Variants in RABGAP1L observed in about 807,000 individuals in gnomAD.
RABGAP1L encodes RAB GTPase activating protein 1 like, also known as rab GTPase-activating protein 1-like.
A neutral mutation model predicts 137.7 loss-of-function variants in RABGAP1L; 63 were observed. The ratio of observed to expected loss-of-function variants is 0.46; its 90% CI spans 0.37 to 0.56. The LOEUF is 0.56. Ranked by LOEUF, RABGAP1L falls within the 20% of genes least tolerant of loss-of-function variation. The pLI, the probability that RABGAP1L is intolerant of heterozygous loss-of-function variation, is 0.00. For missense variants in RABGAP1L, 1,095 were observed against 1,244.0 expected (o/e 0.88, Z 1.80); for synonymous variants, 431 against 433.7 (o/e 0.99, Z 0.08).
At chr1:174,850,076 G>C in intron 19 of RABGAP1L, 1 of 527,332 alleles carries the variant, frequency 1.9e-6, no homozygotes, top group Non-Finnish European at 3.8e-6. Flanking sequence ...AGGGGTGTCT[G>C]GGATTGGGAG....
intron 5 of RABGAP1L, chr1:174,245,592 A>G (rs1190591741): frequency 1.3e-5 from 2 of 151,920 alleles, no homozygotes; most frequent in Admixed American, 1.3e-4. Context: ...ATACCTTTCA[A>G]GGTGCCTTTC....
At chr1:174,931,545 A>G (rs1404792510) in intron 19 of RABGAP1L, among the ~76,000 whole-genome samples, 3 of 152,130 alleles carry the variant, frequency 2.0e-5, no homozygotes, top group Non-Finnish European at 4.4e-5. Context: ...TTATTGTCAT[A>G]TGTTTTACTA....
chr1:174,556,814 G>A (rs548777373), intron 13 of RABGAP1L, among the ~76,000 whole-genome samples: 1 of 152,338 alleles, frequency 6.6e-6, no homozygotes, highest in South Asian at 2.1e-4. Context: ...TTGGTGGTGA[G>A]AAGGAGGAAT....
chr1:174,614,668 A>G (rs1047830384), intron 13 of RABGAP1L, among the ~76,000 whole-genome samples: 8 of 152,160 alleles, frequency 5.3e-5, no homozygotes, highest in African/African-American at 1.9e-4. Flanking sequence ...CATCCTGCAG[A>G]GTGTTTTCCA....
At chr1:174,961,042 A>C (rs895080298) in intron 20 of RABGAP1L, among the ~76,000 whole-genome samples, 4 of 152,166 alleles carry the variant, frequency 2.6e-5, no homozygotes, top group African/African-American at 9.7e-5. Context: ...GTTTTTCTTC[A>C]TGACTAGATT....
At chr1:174,770,907 T>C (rs1686067349) in intron 18 of RABGAP1L, among the ~76,000 whole-genome samples, 1 of 152,242 alleles carries the variant, frequency 6.6e-6, no homozygotes, top group African/African-American at 2.4e-5. Flanking sequence ...GATGACATTC[T>C]GTGTCCTGAA....
chr1:174,202,314 T>C (rs904272580), intron 1 of RABGAP1L, among the ~76,000 whole-genome samples: 3 of 152,120 alleles, frequency 2.0e-5, no homozygotes, highest in Non-Finnish European at 2.9e-5. Context: ...CAGCACCTGT[T>C]GTTTCCTGAC....
At chr1:174,981,864 C>T (rs953798616) in intron 23 of RABGAP1L, among the ~76,000 whole-genome samples, 2 of 152,090 alleles carry the variant, frequency 1.3e-5, no homozygotes, top group South Asian at 2.1e-4. Flanking sequence ...TTACTATTGG[C>T]CAAGTGCTAT....
chr1:174,899,153 A>G (rs966615775), intron 19 of RABGAP1L, among the ~76,000 whole-genome samples: 1 of 152,202 alleles, frequency 6.6e-6, no homozygotes, highest in Non-Finnish European at 1.5e-5. Context: ...ATTCAGCCTC[A>G]GAGATGTGCA....
intron 1 of RABGAP1L, among the ~76,000 whole-genome samples, chr1:174,199,096 A>G (rs533903630): frequency 1.3e-5 from 2 of 152,240 alleles, no homozygotes; most frequent in South Asian, 4.2e-4. Flanking sequence ...CAACAAGAGC[A>G]AAACTCCATC....
chr1:174,949,997 T>C (rs959715821), intron 19 of RABGAP1L, among the ~76,000 whole-genome samples: 4 of 152,230 alleles, frequency 2.6e-5, no homozygotes, highest in African/African-American at 9.6e-5. Context: ...GCCACAAACA[T>C]TGGAAAGTGG....
intron 11 of RABGAP1L, among the ~76,000 whole-genome samples, chr1:174,306,603 A>T (rs896758056): frequency 1.3e-5 from 2 of 152,068 alleles, no homozygotes; most frequent in African/African-American, 4.8e-5. Context: ...ATCTCCTGTG[A>T]CTTTAGAATT....
At chr1:174,349,561 G>A (rs1243858842) in intron 11 of RABGAP1L, among the ~76,000 whole-genome samples, 24 of 134,182 alleles carry the variant, frequency 1.8e-4, no homozygotes, top group African/African-American at 3.9e-4. Context: ...CCTCCCGGAC[G>A]GGGCCACTGG....
At chr1:174,418,774 C>T (rs752208121) in intron 13 of RABGAP1L, among the ~76,000 whole-genome samples, 25 of 152,154 alleles carry the variant, frequency 1.6e-4, no homozygotes, top group Non-Finnish European at 2.9e-4. Flanking sequence ...TGCGGTGGCT[C>T]ATGCCTATAA....
Position 174,433,868 on chromosome 1 carries a change from G to A in RABGAP1L, c.1710+39723G>A, listed in dbSNP as rs115130202. 6.7e-3 allele frequency among the ~76,000 whole-genome samples: 1,023 copies of A among 152,080 alleles called. 13 individuals are homozygous for A. The highest frequency in any genetic ancestry group is 0.023 in the African/African-American group (963 of 41,462). ...AAATAATTTAGGGCTCTCATTTCGTGGCTTTACACAGAACTCGAACACTTG... is the reference window on the plus strand; with the variant it reads ...AAATAATTTAGGGCTCTCATTTCGTAGCTTTACACAGAACTCGAACACTTG... On this transcript the variant is annotated intron_variant, in intron 13 of 25. Transcript: ENST00000681986.
intron 13 of RABGAP1L, among the ~76,000 whole-genome samples, chr1:174,490,692 T>C (rs1660137165): frequency 6.6e-6 from 1 of 152,168 alleles, no homozygotes; most frequent in African/African-American, 2.4e-5. Flanking sequence ...CAAATGGGTC[T>C]AGAGTAGCTG....
intron 18 of RABGAP1L, among the ~76,000 whole-genome samples, chr1:174,777,399 T>C (rs558649036): frequency 1.3e-5 from 2 of 152,318 alleles, no homozygotes; most frequent in Admixed American, 6.5e-5. Flanking sequence ...TGTTCAACAG[T>C]ACCCCTCATC....
intron 19 of RABGAP1L, among the ~76,000 whole-genome samples, chr1:174,867,865 A>G (rs1299994284): frequency 6.6e-6 from 1 of 152,086 alleles, no homozygotes; most frequent in African/African-American, 2.4e-5. Flanking sequence ...GGCTGGTCTC[A>G]AACTCCTGAT....
rs371139091 is a variant in RABGAP1L at position 174,205,782 on chromosome 1, CT to C, written c.-33-13342del. On this transcript the variant is annotated intron_variant, in intron 1 of 25. Coordinates refer to ENST00000681986, the MANE Select transcript of RABGAP1L (RefSeq NM_001366446.1). ...TGTCTCTATTTACTTCAGTTCAGCT[CT>C]GATTTTGAATACTTCTTTTCTTCTG... 2.3e-4 allele frequency among the ~76,000 whole-genome samples: 35 copies of C among 152,180 alleles called. No individual in the cohort carries two copies. The East Asian group carries it at 5.6e-3, about 24-fold the overall frequency.
Sources: allele counts gnomAD v4.1 joint callset (sites outside exome capture counted in the v4.1 genomes callset), GRCh38; gene constraint gnomAD v4.1.1; transcripts MANE v1.5; gene names NCBI Gene and HGNC (gene_info 2026-07-23, HGNC 2026-07-21).